ATP7B: variants seen among roughly 807,000 people sequenced by gnomAD.
ATP7B encodes copper-transporting ATPase 2.
In ATP7B, 113 loss-of-function variants were observed where a neutral mutation model predicts 118.9. The ratio of observed to expected loss-of-function variants is 0.95; its 90% CI spans 0.82 to 1.11. The LOEUF is 1.11. Among genes scored for constraint, ATP7B ranks in the 50% most tolerant of loss-of-function variants. ATP7B has a pLI of 0.00. For missense variants in ATP7B, 1,867 were observed against 1,871.4 expected (o/e 1.00, Z 0.04); for synonymous variants, 777 against 727.4 (o/e 1.07, Z -1.10).
chr13:51,976,066 T>C (rs1952102970), intron 1 of ATP7B, among the ~76,000 whole-genome samples: 1 of 152,194 alleles, frequency 6.6e-6, no homozygotes, highest in Non-Finnish European at 1.5e-5. Context: ...GATGATGTAG[T>C]CTCAGTCATT....
intron 1 of ATP7B, among the ~76,000 whole-genome samples, chr13:51,975,849 G>A (rs767979657): frequency 6.6e-5 from 10 of 152,228 alleles, no homozygotes; most frequent in East Asian, 1.9e-4. Flanking sequence ...TGGCTGAGCC[G>A]AGGGGCGGGA....
At chr13:51,982,673 C>G (rs1056365097) in intron 1 of ATP7B, among the ~76,000 whole-genome samples, 1 of 152,182 alleles carries the variant, frequency 6.6e-6, no homozygotes, top group Non-Finnish European at 1.5e-5. Context: ...CAGCTCCCAG[C>G]GAGATCAACG....
chr13:51,949,835 C>T (rs1957884039), intron 11 of ATP7B, 39 bp from the exon 12 acceptor site: 2 of 1,613,746 alleles, frequency 1.2e-6, no homozygotes, highest in Middle Eastern at 3.3e-4. Context: ...GAAATTACAA[C>T]CTATGAAGAA....
At position 51,974,718 on chromosome 13, in the gene ATP7B, G is replaced by C; in HGVS notation, c.502C>G (p.Leu168Val). 6.2e-6 allele frequency: 10 copies of C among 1,613,890 alleles called. No individual in the cohort carries two copies. The highest frequency in any genetic ancestry group is 8.5e-6 in the Non-Finnish European group (10 of 1,179,802). Residue 168 changes from leucine (L) to valine (V), a missense_variant, in exon 2 of 21, where the codon CTG becomes GTG. Physicochemically the swap from Leu to Val is conservative, Grantham distance 32 (BLOSUM62 1). Transcript: ENST00000242839. ...ACTTTGACTCTCACTACTCCTTGCA[G>C]TTTCCGGACCTTGCCTTCAATGGAG... ...VSSIEGKVRK[L>V]QGVVRVKVSL...
intron 12 of ATP7B, chr13:51,947,707 T>C (rs915856229): frequency 2.0e-5 from 3 of 152,222 alleles, no homozygotes; most frequent in Admixed American, 6.5e-5. Flanking sequence ...TGTAATCTTT[T>C]TTAAAAATAC....
At chr13:51,958,178 T>C in intron 8 of ATP7B, 133 bp downstream of exon 8, 1 of 1,046,082 alleles carries the variant, frequency 9.6e-7, no homozygotes, top group Non-Finnish European at 1.4e-6. Flanking sequence ...ACCTTAATTA[T>C]ATGGAGGTTT....
intron 1 of ATP7B, among the ~76,000 whole-genome samples, chr13:52,010,240 CGTT>C (rs1298762143): frequency 2.6e-5 from 4 of 152,134 alleles, no homozygotes; most frequent in Non-Finnish European, 5.9e-5. Context: ...TCCACTAATC[CGTT>C]AGTTTTCATT....
intron 3 of ATP7B, among the ~76,000 whole-genome samples, chr13:51,969,126 CA>C (rs1264129285): frequency 6.7e-6 from 1 of 150,148 alleles, no homozygotes; most frequent in Admixed American, 6.6e-5. Context: ...CCCAAGGCAT[CA>C]TTTTTTTTTA....
At chr13:51,994,697 C>T (rs1160220045) in intron 1 of ATP7B, among the ~76,000 whole-genome samples, 1 of 152,140 alleles carries the variant, frequency 6.6e-6, no homozygotes, top group East Asian at 1.9e-4. Context: ...AACCAATGAA[C>T]AGCACAAAAA....
At chr13:51,977,236 T>TC (rs1952164822) in intron 1 of ATP7B, among the ~76,000 whole-genome samples, 2 of 151,726 alleles carry the variant, frequency 1.3e-5, no homozygotes, top group Non-Finnish European at 2.9e-5. Flanking sequence ...GTTTAATTTT[T>TC]TTTTTTTTTA....
intron 1 of ATP7B, 35 bp downstream of exon 1, chr13:52,011,252 A>G: frequency 6.2e-7 from 1 of 1,614,106 alleles, no homozygotes; most frequent in Middle Eastern, 1.7e-4. Context: ...GGTGGGAGTG[A>G]GCACGCTGCG....
chr13:51,990,353 C>T (rs1473704662), intron 1 of ATP7B, among the ~76,000 whole-genome samples: 4 of 152,050 alleles, frequency 2.6e-5, no homozygotes, highest in Non-Finnish European at 5.9e-5. Context: ...AACTGGAAAC[C>T]ATCTCAATAT....
chr13:51,959,583 A>G (rs1178000073), intron 7 of ATP7B: 1 of 155,272 alleles, frequency 6.4e-6, no homozygotes, highest in East Asian at 1.9e-4. Flanking sequence ...CAATATTAGG[A>G]CAGGGATTTA....
intron 11 of ATP7B, 73 bp downstream of exon 11, chr13:51,949,934 T>G (rs1170881566): frequency 6.2e-7 from 1 of 1,612,542 alleles, no homozygotes; most frequent in African/African-American, 1.3e-5. Context: ...TAAAACTGTC[T>G]GATTTCCCAG....
chr13:51,949,922 A>C, intron 11 of ATP7B, 85 bp downstream of exon 11: 3 of 1,611,146 alleles, frequency 1.9e-6, no homozygotes, highest in Non-Finnish European at 2.5e-6. Flanking sequence ...ATCTCTACTC[A>C]ATAAAACTGT....
Position 51,944,188 on chromosome 13 carries a change from T to A in ATP7B, c.3164A>T (p.Lys1055Met). 6.2e-7 allele frequency: 1 copy of A among 1,614,126 alleles called. No individual in the cohort carries two copies. Among genetic ancestry groups the A allele is most frequent in the Non-Finnish European group, 8.5e-7 (1 of 1,180,024 alleles). ...CGCAGTCCCCACCACAGCCAGAACCTTCCTGAGGGGCAGTGTGGCCACATC... is the reference window on the plus strand; with the variant it reads ...CGCAGTCCCCACCACAGCCAGAACCATCCTGAGGGGCAGTGTGGCCACATC... The part of the protein sequence containing the change: ...LGDVATLPLR[K>M]VLAVVGTAEA... The change falls in exon 14 of 21, where the codon AAG becomes ATG. Residue 1055 changes from lysine (K) to methionine (M), a missense_variant. Coordinates refer to ENST00000242839, the MANE Select transcript of ATP7B (RefSeq NM_000053.4).
chr13:51,963,191 T>C (rs1958864803), intron 5 of ATP7B, among the ~76,000 whole-genome samples: 1 of 152,190 alleles, frequency 6.6e-6, no homozygotes, highest in South Asian at 2.1e-4. Context: ...CAGTCTGATG[T>C]CTGAGCCTCA....
At chr13:51,981,583 A>G (rs1479943692) in intron 1 of ATP7B, among the ~76,000 whole-genome samples, 1 of 152,160 alleles carries the variant, frequency 6.6e-6, no homozygotes, top group African/African-American at 2.4e-5. Flanking sequence ...CACAGGTCAA[A>G]AATGATGCCT....
In ATP7B at chr13:51,937,696, G is replaced by A. The variant is rs746250428; in HGVS notation, c.3700-17C>T. 1 of 1,613,636 alleles carries A rather than the reference G, an allele frequency of 6.2e-7. No homozygotes were observed. Among genetic ancestry groups the A allele is most frequent in the South Asian group, 1.1e-5 (1 of 91,084 alleles). On this transcript the variant is annotated splice_polypyrimidine_tract_variant and intron_variant, in intron 17 of 20. Transcript: ENST00000242839. ...GATGCCAACCTAAGACAAAAGGAAGGCAATGCCTAGTGTTGGCAAAAGGTA... is the reference window on the plus strand; with the variant it reads ...GATGCCAACCTAAGACAAAAGGAAGACAATGCCTAGTGTTGGCAAAAGGTA...
Sources: gnomAD v4.1 joint callset for allele counts (sites outside exome capture counted in the v4.1 genomes callset) on GRCh38, gnomAD v4.1.1 for gene constraint, MANE v1.5 for transcripts, NCBI Gene and HGNC (gene_info 2026-07-23, HGNC 2026-07-21) for gene names.